PLPP3: variants seen among roughly 807,000 people sequenced by gnomAD.
The protein encoded by PLPP3 is PAP2 beta.
In PLPP3, 6 loss-of-function variants were observed where a neutral mutation model predicts 29.6. The ratio of observed to expected loss-of-function variants is 0.20; its 90% CI spans 0.11 to 0.40. The LOEUF (loss-of-function observed/expected upper bound fraction) is 0.40, where lower values mean the gene tolerates loss of function less well. PLPP3 is among the 10% of genes least tolerant of loss of function. The pLI is 1.00. For synonymous variants in PLPP3, 152 were observed against 159.7 expected, an observed-to-expected ratio of 0.95 and a Z score of 0.36; for missense variants, 308 against 407.7, an observed-to-expected ratio of 0.76 and a Z score of 2.11.
chr1:56,578,920 G>T lies in PLPP3; in HGVS notation c.97C>A (p.Arg33=). 1 of 1,603,992 alleles carries T rather than the reference G, an allele frequency of 6.2e-7. No individual in the cohort carries two copies. The highest frequency in any genetic ancestry group is 8.5e-7 in the Non-Finnish European group (1 of 1,176,478). Residue 33 remains arginine, a synonymous_variant, in exon 1 of 6, where the codon CGG becomes AGG. Coordinates refer to ENST00000371250, the MANE Select transcript of PLPP3 (RefSeq NM_003713.5). Reference sequence around the variant, plus strand: ...AGGTCGAGGCAGATGAGCAGCACCCGCTTGCTGCCGCTCCTCCTCGGGTTG... The same window carrying T: ...AGGTCGAGGCAGATGAGCAGCACCCTCTTGCTGCCGCTCCTCCTCGGGTTG... ...NNNPRRSGSK[R]VLLICLDLFC...
At chr1:56,564,865 A>C (rs1646151192) in intron 1 of PLPP3, among the ~76,000 whole-genome samples, 1 of 152,186 alleles carries the variant, frequency 6.6e-6, no homozygotes, top group African/African-American at 2.4e-5. Context: ...AAACCCAATA[A>C]ACAAAAGATT....
In PLPP3 at chr1:56,524,286, T is replaced by C; in HGVS notation, c.566A>G (p.Gln189Arg). ...GGAGGTGGTGTCTCACCTGGCTTCC[T>C]GGACTTTGCTGTCATCACCTCTGCA... ...YRCRGDDSKV[Q>R]EARKSFFSGH... The change falls in exon 3 of 6, where the codon CAG becomes CGG. Residue 189 changes from glutamine (Q) to arginine (R), a missense_variant. Around this residue, in one of 3 missense-constraint regions of PLPP3, gnomAD observed 232 missense variants for 317.2 expected, o/e 0.73. Transcript: ENST00000371250. The surrounding 1 kb of genome is among the most constrained non-coding windows in gnomAD (Gnocchi z 4.3). 6.2e-7 allele frequency: 1 copy of C among 1,613,470 alleles called. No individual in the cohort carries two copies. Among genetic ancestry groups the C allele is most frequent in the Non-Finnish European group, 8.5e-7 (1 of 1,179,868 alleles).
chr1:56,551,700 G>A (rs777802293), intron 1 of PLPP3, among the ~76,000 whole-genome samples: 60 of 152,222 alleles, frequency 3.9e-4, no homozygotes, highest in Non-Finnish European at 6.9e-4. Flanking sequence ...GGGTCTTGGC[G>A]AATTAATTAT....
At chr1:56,532,314 G>A (rs1645895038) in intron 2 of PLPP3, among the ~76,000 whole-genome samples, 1 of 152,150 alleles carries the variant, frequency 6.6e-6, no homozygotes, top group Non-Finnish European at 1.5e-5. Flanking sequence ...TTGCACAGAT[G>A]TAGTGGATTG....
chr1:56,545,428 G>C (rs1191119224), intron 1 of PLPP3, among the ~76,000 whole-genome samples: 1 of 152,154 alleles, frequency 6.6e-6, no homozygotes, highest in Non-Finnish European at 1.5e-5. Context: ...TCTGTCCAAA[G>C]CTCATGCAAG....
intron 1 of PLPP3, among the ~76,000 whole-genome samples, chr1:56,562,469 G>A (rs1440557867): frequency 3.9e-5 from 6 of 152,028 alleles, no homozygotes; most frequent in African/African-American, 1.4e-4. Flanking sequence ...AAATGCAGTC[G>A]AAAAAGGAAG....
chr1:56,513,211 C>T (rs984384121), intron 4 of PLPP3: 1 of 152,492 alleles, frequency 6.6e-6, no homozygotes, highest in Non-Finnish European at 1.5e-5. Context: ...AAAAAACCAC[C>T]TCTAGCTGAA....
At chr1:56,532,651 A>C (rs1429934919) in intron 2 of PLPP3, among the ~76,000 whole-genome samples, 1 of 152,152 alleles carries the variant, frequency 6.6e-6, no homozygotes, top group Non-Finnish European at 1.5e-5. Context: ...TTTAAGGAAG[A>C]AAACAGGACA....
At chr1:56,535,185 G>T (rs749500861) in intron 2 of PLPP3, among the ~76,000 whole-genome samples, 1 of 152,106 alleles carries the variant, frequency 6.6e-6, no homozygotes, top group Non-Finnish European at 1.5e-5. Context: ...TGTATTTCCG[G>T]AGGCACCATA....
intron 2 of PLPP3, 61 bp downstream of exon 2, chr1:56,536,894 T>C: frequency 6.3e-7 from 1 of 1,587,534 alleles, no homozygotes; most frequent in East Asian, 2.2e-5. Context: ...AGACATTCTA[T>C]AATATGACAA....
At chr1:56,537,664 G>A (rs760680702) in intron 1 of PLPP3, among the ~76,000 whole-genome samples, 1 of 151,720 alleles carries the variant, frequency 6.6e-6, no homozygotes, top group Non-Finnish European at 1.5e-5. Flanking sequence ...AATGAGTTGT[G>A]GTGATGACTA....
At chr1:56,565,247 T>A (rs1337435901) in intron 1 of PLPP3, among the ~76,000 whole-genome samples, 2 of 152,140 alleles carry the variant, frequency 1.3e-5, no homozygotes, top group Non-Finnish European at 2.9e-5. Flanking sequence ...CTGCATTTAA[T>A]GAAGGAGCTG....
intron 1 of PLPP3, among the ~76,000 whole-genome samples, chr1:56,576,421 T>C (rs1461946521): frequency 2.0e-5 from 3 of 152,246 alleles, no homozygotes; most frequent in Non-Finnish European, 4.4e-5. Context: ...CTATTAATTT[T>C]TCTTTTGGAA....
chr1:56,569,087 C>A (rs1450854293), intron 1 of PLPP3, among the ~76,000 whole-genome samples: 1 of 152,168 alleles, frequency 6.6e-6, no homozygotes, highest in African/African-American at 2.4e-5. Flanking sequence ...TTAATTCCCT[C>A]CTCCAATCTT....
At chr1:56,547,379 G>A (rs781069511) in intron 1 of PLPP3, among the ~76,000 whole-genome samples, 15 of 152,022 alleles carry the variant, frequency 9.9e-5, no homozygotes, top group African/African-American at 2.2e-4. Context: ...CTTGTGGATC[G>A]TTTTCTCCCC....
chr1:56,573,314 G>T (rs556151740), intron 1 of PLPP3, among the ~76,000 whole-genome samples: 1 of 152,126 alleles, frequency 6.6e-6, no homozygotes, highest in African/African-American at 2.4e-5. Context: ...GCATCCAGGG[G>T]TAATTTTCCA....
At chr1:56,514,232 G>A (rs1308977322) in intron 4 of PLPP3, among the ~76,000 whole-genome samples, 1 of 151,902 alleles carries the variant, frequency 6.6e-6, no homozygotes, top group Non-Finnish European at 1.5e-5. Flanking sequence ...TTAGAGGCTG[G>A]GGTCAATTAC....
Position 56,524,627 on chromosome 1 carries a change from C to T in PLPP3, c.298-73G>A. On this transcript the variant is annotated intron_variant, in intron 2 of 5. Coordinates refer to ENST00000371250, the MANE Select transcript of PLPP3 (RefSeq NM_003713.5). This position sits in a 1 kb window ranked among gnomAD's most constrained non-coding sequence, Gnocchi z 4.3. ...CAACACTGATGCCGTAACGGATATT[C>T]AACAACACAGGAGAATATTCAGTAT... 3 of 1,489,114 alleles carry T rather than the reference C, an allele frequency of 2.0e-6. No homozygotes were observed. Among genetic ancestry groups the T allele is most frequent in the Non-Finnish European group, 2.8e-6 (3 of 1,084,828 alleles). The allele number at this position is 1,489,114 out of a possible 1,614,324, so 92.2% of individuals were successfully genotyped here. A position where few individuals can be genotyped will look rare whatever the true frequency, so the allele number is the denominator to read the frequency against.
chr1:56,529,896 A>G (rs1263273274), intron 2 of PLPP3, among the ~76,000 whole-genome samples: 1 of 152,146 alleles, frequency 6.6e-6, no homozygotes, highest in Non-Finnish European at 1.5e-5. Context: ...GAGGCCAGAG[A>G]GGGGCTACAG....
Sources: allele counts gnomAD v4.1 joint callset (sites outside exome capture counted in the v4.1 genomes callset), GRCh38; gene constraint gnomAD v4.1.1; regional missense constraint gnomAD v4.1.1; non-coding constraint Gnocchi (gnomAD v3.1); transcripts MANE v1.5; gene names NCBI Gene and HGNC (gene_info 2026-07-23, HGNC 2026-07-21).